Variants in HYDIN observed in about 807,000 individuals in gnomAD.
HYDIN encodes the protein axonemal central pair apparatus protein HYDIN.
HYDIN carries 132 observed loss-of-function variants against 403.9 expected under a neutral mutation model. The observed-to-expected ratio is 0.33, with a 90% CI of 0.28 to 0.38. The LOEUF is 0.38. HYDIN is among the 10% of genes least tolerant of loss of function. The pLI is 1.00. For synonymous variants in HYDIN, 1,202 were observed against 1,891.7 expected, an observed-to-expected ratio of 0.64 and a Z score of 9.46; for missense variants, 2,827 against 5,009.5, an observed-to-expected ratio of 0.56 and a Z score of 13.15.
intron 1 of HYDIN, among the ~76,000 whole-genome samples, chr16:71,206,215 C>G (rs1598029124): frequency 1.3e-5 from 2 of 152,158 alleles, no homozygotes; most frequent in African/African-American, 4.8e-5. Flanking sequence ...TAGGGCTGAC[C>G]TGGCAAGGAC....
intron 45 of HYDIN, among the ~76,000 whole-genome samples, chr16:70,931,584 C>A (rs1015966588): frequency 6.6e-6 from 1 of 151,574 alleles, no homozygotes; most frequent in East Asian, 1.9e-4. Context: ...TTAACAGGAT[C>A]CCTAGGTGAT....
At chr16:71,105,226 T>A (rs1240411379) in intron 10 of HYDIN, among the ~76,000 whole-genome samples, 14 of 151,756 alleles carry the variant, frequency 9.2e-5, no homozygotes, top group South Asian at 2.1e-4. Flanking sequence ...AGAAGAAAGA[T>A]CTTAGAAAAA....
chr16:71,203,862 TAAGACCAGCCTGTGA>T (rs763435847), intron 1 of HYDIN: 48 of 453,338 alleles, frequency 1.1e-4, no homozygotes, highest in African/African-American at 8.6e-4. Context: ...CTCAGGAGTT[TAAGACCAGCCTGTGA>T]AATATGGTGA....
chr16:71,178,188 A>G (rs1233362882), intron 4 of HYDIN, among the ~76,000 whole-genome samples: 1 of 152,018 alleles, frequency 6.6e-6, no homozygotes, highest in Non-Finnish European at 1.5e-5. Flanking sequence ...GGGAGACCGA[A>G]GTGGGTGGAT....
intron 2 of HYDIN, among the ~76,000 whole-genome samples, chr16:71,186,538 T>C (rs1167928395): frequency 6.6e-6 from 1 of 152,190 alleles, no homozygotes; most frequent in Non-Finnish European, 1.5e-5. Flanking sequence ...TTCAACTGAT[T>C]AGTTTAAGCA....
intron 47 of HYDIN, among the ~76,000 whole-genome samples, chr16:70,914,422 CTTGGCTGATACTTCTT>C (rs1220225354): frequency 1.3e-5 from 2 of 151,306 alleles, no homozygotes; most frequent in African/African-American, 4.9e-5. Flanking sequence ...ATACAAAATT[CTTGGCTGATACTTCTT>C]TTGTTTGAGG....
chr16:70,951,435 A>G (rs543780178), intron 41 of HYDIN, among the ~76,000 whole-genome samples: 1 of 152,262 alleles, frequency 6.6e-6, no homozygotes, highest in Non-Finnish European at 1.5e-5. Context: ...CCCCTCGAGC[A>G]TGCTCTGCAG....
chr16:70,949,999 T>C (rs1166279268), intron 41 of HYDIN, among the ~76,000 whole-genome samples: 2 of 151,424 alleles, frequency 1.3e-5, no homozygotes, highest in African/African-American at 4.9e-5. Context: ...CTATACTGGA[T>C]CCTGGAAAAG....
At chr16:70,950,496 G>A (rs2078032076) in intron 41 of HYDIN, among the ~76,000 whole-genome samples, 1 of 151,592 alleles carries the variant, frequency 6.6e-6, no homozygotes, top group South Asian at 2.1e-4. Flanking sequence ...GGCCTAAAGT[G>A]ATCCACCCAC....
chr16:71,219,606 C>T (rs547900193), intron 1 of HYDIN, among the ~76,000 whole-genome samples: 37 of 152,100 alleles, frequency 2.4e-4, no homozygotes, highest in Non-Finnish European at 5.0e-4. Flanking sequence ...TCCACTTTTC[C>T]TCCATACCAC....
intron 4 of HYDIN, 114 bp downstream of exon 4, chr16:71,178,814 T>G: frequency 1.2e-6 from 1 of 866,894 alleles, no homozygotes. Flanking sequence ...TCATACTATT[T>G]TCCTAAGTCT....
chr16:71,023,011 T>C (rs539485246), intron 21 of HYDIN, among the ~76,000 whole-genome samples: 34 of 152,074 alleles, frequency 2.2e-4, no homozygotes, highest in African/African-American at 8.2e-4. Flanking sequence ...ATTTAACATA[T>C]ATTACGTCTT....
At chr16:71,069,862 G>C (rs984393640) in intron 13 of HYDIN, among the ~76,000 whole-genome samples, 6 of 152,136 alleles carry the variant, frequency 3.9e-5, no homozygotes, top group African/African-American at 1.2e-4. Context: ...AGTATATTTT[G>C]CATTTATTTC....
chr16:70,915,849 TA>T (rs1302567469), intron 47 of HYDIN, among the ~76,000 whole-genome samples: 1 of 149,048 alleles, frequency 6.7e-6, no homozygotes, highest in African/African-American at 2.4e-5. Context: ...GTGAGGTTCC[TA>T]GGTCAATGGA....
At position 70,807,670 on chromosome 16, in the gene HYDIN, G is replaced by A. The variant is rs753469552; in HGVS notation, c.15276C>T (p.Ile5092=). 3.4e-5 allele frequency: 55 copies of A among 1,614,046 alleles called. No individual in the cohort carries two copies. The highest frequency in any genetic ancestry group is 4.7e-5 in the Non-Finnish European group (55 of 1,180,032). Reference sequence around the variant, plus strand: ...GGCAGCTCACAGTCAGCTTGGTGGTGATGGGGGTTTTGCTGCCAGATGGGT... The same window carrying A: ...GGCAGCTCACAGTCAGCTTGGTGGTAATGGGGGTTTTGCTGCCAGATGGGT... ...EGNPSGSKTP[I]TTKLTVSCPP... Residue 5092 remains isoleucine (I), a synonymous_variant, in exon 86 of 86, where the codon ATC becomes ATT. Transcript: ENST00000393567.
intron 1 of HYDIN, among the ~76,000 whole-genome samples, chr16:71,229,870 A>G (rs2041204690): frequency 6.6e-6 from 1 of 152,184 alleles, no homozygotes; most frequent in South Asian, 2.1e-4. Context: ...ATCTTGAATT[A>G]TAACTCCCAT....
chr16:70,911,879 A>C (rs2076707085), intron 47 of HYDIN, among the ~76,000 whole-genome samples: 1 of 148,930 alleles, frequency 6.7e-6, no homozygotes, highest in African/African-American at 2.6e-5. Context: ...AGTTATTGTA[A>C]AAGAGGTTGA....
intron 23 of HYDIN, among the ~76,000 whole-genome samples, chr16:71,011,712 G>T (rs1422337457): frequency 6.6e-6 from 1 of 151,200 alleles, no homozygotes; most frequent in Non-Finnish European, 1.5e-5. Flanking sequence ...GTGACAGAGC[G>T]AGACTTTGTT....
chr16:71,126,512 T>C (rs1221952613), intron 9 of HYDIN, among the ~76,000 whole-genome samples: 2 of 152,134 alleles, frequency 1.3e-5, no homozygotes, highest in Non-Finnish European at 2.9e-5. Context: ...AGGGAAGAGC[T>C]GTCAGTCGTG....
Sources: allele counts gnomAD v4.1 joint callset (sites outside exome capture counted in the v4.1 genomes callset), GRCh38; gene constraint gnomAD v4.1.1; transcripts MANE v1.5; gene names NCBI Gene and HGNC (gene_info 2026-07-23, HGNC 2026-07-21).